Variants in ASB15 observed in about 807,000 individuals in gnomAD.
ASB15 encodes the protein ankyrin repeat and SOCS box protein 15.
In ASB15, 54 loss-of-function variants were observed where a neutral mutation model predicts 58.0. The observed-to-expected ratio is 0.93, with a 90% CI of 0.75 to 1.17. The LOEUF (loss-of-function observed/expected upper bound fraction) is 1.17. ASB15 is among the 50% of genes most tolerant of loss of function. The pLI, the probability that ASB15 is intolerant of heterozygous loss-of-function variation, is 0.00. For missense variants in ASB15, 680 were observed against 707.4 expected (o/e 0.96, Z 0.44); for synonymous variants, 249 against 262.4 (o/e 0.95, Z 0.50).
At position 123,616,491 on chromosome 7, in the gene ASB15, G is replaced by A; in HGVS notation, c.288G>A (p.Leu96=). The part of the protein sequence containing the change: ...QPIQQILEIV[L]DASYKTLWEF... Reference sequence around the variant, plus strand: ...TTCAACAAATACTTGAGATTGTTCTGGATGGTAAGAGAACATAAAACATGT... The same window carrying A: ...TTCAACAAATACTTGAGATTGTTCTAGATGGTAAGAGAACATAAAACATGT... Residue 96 remains leucine (L), a synonymous_variant, in exon 6 of 12, where the codon CTG becomes CTA. Coordinates refer to ENST00000451215, the MANE Select transcript of ASB15 (RefSeq NM_001290258.2). The A allele has an allele frequency of 6.2e-7, 1 of 1,611,864 alleles. No individual in the cohort carries two copies. The highest frequency in any genetic ancestry group is 8.5e-7 in the Non-Finnish European group (1 of 1,178,894).
At position 123,596,348 on chromosome 7, in the gene ASB15, A is replaced by G. The variant is rs1189016108; in HGVS notation, c.-442-7684A>G. 3.3e-5 allele frequency: 5 copies of G among 152,264 alleles called. No homozygotes were observed. In the South Asian group the frequency reaches 1.0e-3, roughly 32 times the overall value. 9.4% of individuals were successfully genotyped at this position (152,264 alleles called of 1,614,324 possible). A position where few individuals can be genotyped will look rare whatever the true frequency, so the allele number is the denominator to read the frequency against. ...ATATTTAGGCCAGGTGCAGTGGCTC[A>G]TACCTGTGATCCCAACACTTTGAAG... On this transcript the variant is annotated intron_variant, in intron 1 of 13. Coordinates refer to the ASB15 transcript ENST00000451558.
chr7:123,635,575 AT>A (rs1246845581), intron 11 of ASB15, among the ~76,000 whole-genome samples: 3 of 146,896 alleles, frequency 2.0e-5, no homozygotes, highest in Non-Finnish European at 4.5e-5. Context: ...TTAAATGGAA[AT>A]TAATTGCTTT....
upstream of ASB15, among the ~76,000 whole-genome samples, chr7:123,601,304 T>G (rs372852748): frequency 6.6e-6 from 1 of 152,202 alleles, no homozygotes; most frequent in South Asian, 2.1e-4. Context: ...CTCAATAACT[T>G]GACCTAAAAA....
Position 123,616,431 on chromosome 7 carries a change from A to T in ASB15, c.228A>T (p.Gly76=). Reference sequence around the variant, plus strand: ...CAATGGATGAAGCTGATGAAAAAGGATGGTTTCCATTGCATGAAGCTGTTG... The same window carrying T: ...CAATGGATGAAGCTGATGAAAAAGGTTGGTTTCCATTGCATGAAGCTGTTG... ...KYAMDEADEK[G]WFPLHEAVVQ... is the part of the protein sequence containing the mutation. Residue 76 remains glycine, a synonymous_variant, in exon 6 of 12, where the codon GGA becomes GGT. Transcript: ENST00000451215. 6.2e-7 allele frequency: 1 copy of T among 1,609,506 alleles called. No homozygotes were observed. The highest frequency in any genetic ancestry group is 8.5e-7 in the Non-Finnish European group (1 of 1,175,998).
intron 11 of ASB15, among the ~76,000 whole-genome samples, chr7:123,635,758 G>T (rs1802394364): frequency 6.6e-6 from 1 of 151,010 alleles, no homozygotes; most frequent in Admixed American, 6.6e-5. Flanking sequence ...TGGATGTCAG[G>T]AGTCCTCCAG....
rs1169559071 is a variant in ASB15, at chr7:123,624,796, G to A, written c.679G>A (p.Glu227Lys). 3 of 1,613,966 alleles carry A rather than the reference G, an allele frequency of 1.9e-6. No individual in the cohort carries two copies. The highest frequency in any genetic ancestry group is 1.1e-5 in the South Asian group (1 of 91,014). ...AAEYGHCDVL[E>K]HLIHKGGDVL... ...CGAGTATGGTCACTGTGACGTGTTA[G>A]AACATCTAATCCACAAAGGTATGTG... Residue 227 changes from glutamate (E) to lysine (K), a missense_variant, in exon 8 of 12, where the codon GAA becomes AAA. Glu to Lys is a moderately conservative substitution (Grantham distance 56). Coordinates refer to ENST00000451215, the MANE Select transcript of ASB15 (RefSeq NM_001290258.2).
At chr7:123,600,957 G>T (rs145699410), upstream of ASB15, among the ~76,000 whole-genome samples, 4 of 152,232 alleles carry the variant, frequency 2.6e-5, no homozygotes, top group Non-Finnish European at 5.9e-5. Flanking sequence ...TCCAATGAGG[G>T]TTTGTAAAAT....
chr7:123,617,438 G>T lies in ASB15; in HGVS notation c.293-141G>T, dbSNP rs530745328. 4.4e-5 allele frequency: 33 copies of T among 756,474 alleles called. No homozygotes were observed. In the African/African-American group the frequency reaches 4.9e-4, roughly 11 times the overall value. 46.9% of individuals were successfully genotyped at this position (756,474 alleles called of 1,614,324 possible). A position where few individuals can be genotyped will look rare whatever the true frequency, so the allele number is the denominator to read the frequency against. ...TCTACTTTATCCTCACCGTCATTTG[G>T]TAAACTTTTGTCAAAGTCCTTTCAT... On this transcript the variant is annotated intron_variant, in intron 6 of 11. Transcript: ENST00000451215.
chr7:123,591,644 G>A (rs1361676001), intron 1 of ASB15, among the ~76,000 whole-genome samples: 1 of 152,178 alleles, frequency 6.6e-6, no homozygotes, highest in East Asian at 1.9e-4. Context: ...TCCCAGGGAT[G>A]AAGCCAACTT....
chr7:123,609,917 A>G (rs1199522116), intron 3 of ASB15, among the ~76,000 whole-genome samples: 1 of 152,326 alleles, frequency 6.6e-6, no homozygotes, highest in Admixed American at 6.5e-5. Context: ...CATTTCAGTC[A>G]GGCACCAACT....
Position 123,626,076 on chromosome 7 carries a change from T to C in ASB15, c.698-1034T>C, listed in dbSNP as rs1801752765. 2.0e-5 allele frequency among the ~76,000 whole-genome samples: 3 copies of C among 152,240 alleles called. No homozygotes were observed. In the South Asian group the frequency reaches 6.2e-4, roughly 31 times the overall value. On this transcript the variant is annotated intron_variant, in intron 8 of 11. Coordinates refer to ENST00000451215, the MANE Select transcript of ASB15 (RefSeq NM_001290258.2). Reference sequence around the variant, plus strand: ...ATATCATACAGTTTGTGCTGTCTGATATTTTGTTTCATTTCCCCTCTAAGC... The same window carrying C: ...ATATCATACAGTTTGTGCTGTCTGACATTTTGTTTCATTTCCCCTCTAAGC...
chr7:123,609,024 G>A (rs899203488), intron 3 of ASB15: 4 of 150,208 alleles, frequency 2.7e-5, no homozygotes, highest in African/African-American at 9.8e-5. Context: ...TCCTCTGATA[G>A]GATAAATCCT....
chr7:123,588,383 T>C (rs1488809177), intron 1 of ASB15, among the ~76,000 whole-genome samples: 2 of 151,672 alleles, frequency 1.3e-5, no homozygotes, highest in African/African-American at 4.8e-5. Flanking sequence ...ATTTTATTCA[T>C]TTCATTTGAA....
At chr7:123,603,632 A>G (rs1203463846) in intron 1 of ASB15, among the ~76,000 whole-genome samples, 1 of 152,198 alleles carries the variant, frequency 6.6e-6, no homozygotes, top group Admixed American at 6.5e-5. Flanking sequence ...GCTTAAGGAC[A>G]TATAGAAGGC....
At chr7:123,567,293 A>G (rs1798787594) in intron 1 of ASB15, among the ~76,000 whole-genome samples, 1 of 152,044 alleles carries the variant, frequency 6.6e-6, no homozygotes, top group African/African-American at 2.4e-5. Context: ...CAGGTGGGAG[A>G]GAGTTGCCAG....
intron 3 of ASB15, among the ~76,000 whole-genome samples, chr7:123,612,668 G>A (rs1800533467): frequency 6.6e-6 from 1 of 151,942 alleles, no homozygotes; most frequent in Non-Finnish European, 1.5e-5. Flanking sequence ...AGCACAGAGT[G>A]AACAATCAAA....
rs148114398 is a variant in ASB15 at position 123,578,378 on chromosome 7, C to T, written c.-443+11290C>T. ...TTTTTAGCCTCTAGGAAGTAATTTG[C>T]CTTGGCCTAAACATCTGTCATTTTA... On this transcript the variant is annotated intron_variant, in intron 1 of 13. Coordinates refer to the ASB15 transcript ENST00000451558. Among the ~76,000 whole-genome samples, 893 of 151,878 alleles carry T rather than the reference C, an allele frequency of 5.9e-3. 15 individuals carry two copies. Among genetic ancestry groups the T allele is most frequent in the Non-Finnish European group, 5.1e-3 (345 of 67,944 alleles).
chr7:123,574,264 A>C (rs986558820), intron 1 of ASB15, among the ~76,000 whole-genome samples: 2 of 149,628 alleles, frequency 1.3e-5, no homozygotes, highest in African/African-American at 2.5e-5. Flanking sequence ...GTTTCTCAAC[A>C]CTTCACTCCT....
chr7:123,627,042 G>A, intron 8 of ASB15, 68 bp from the exon 9 acceptor site: 1 of 1,489,172 alleles, frequency 6.7e-7, no homozygotes. Flanking sequence ...CCCACAACAG[G>A]CTGTTTTTAA....
Sources: gnomAD v4.1 joint callset for allele counts (sites outside exome capture counted in the v4.1 genomes callset) on GRCh38, gnomAD v4.1.1 for gene constraint, MANE v1.5 for transcripts, NCBI Gene and HGNC (gene_info 2026-07-23, HGNC 2026-07-21) for gene names.